Variants in ZNF684 observed in about 807,000 individuals in gnomAD.
ZNF684 encodes the protein hypothetical protein MGC27466.
ZNF684 carries 13 observed loss-of-function variants against 12.8 expected under a neutral mutation model. The ratio of observed to expected loss-of-function variants is 1.02; its 90% CI spans 0.66 to 1.62. ZNF684 has a LOEUF of 1.62. Among genes scored for constraint, ZNF684 ranks in the 40% most tolerant of loss-of-function variants. The pLI is 0.00. For synonymous variants in ZNF684, 118 were observed against 151.8 expected, an observed-to-expected ratio of 0.78 and a Z score of 1.64; for missense variants, 384 against 446.9, an observed-to-expected ratio of 0.86 and a Z score of 1.27.
At position 40,547,450 on chromosome 1, in the gene ZNF684, T is replaced by G; in HGVS notation, c.1127T>G (p.Ile376Ser). ...QKSNLIVHQK[I>S]HT ...TCAAATCTTATTGTACATCAGAAAA[T>G]TCATACATAATATTCACTTTATGAA... Residue 376 changes from isoleucine to serine, a missense_variant, in exon 5 of 5, where the codon ATT (isoleucine) becomes AGT (serine). Physicochemically the swap from Ile to Ser is moderately radical, Grantham distance 142. Transcript: ENST00000372699. The G allele has an allele frequency of 6.3e-7, 1 of 1,599,844 alleles. No individual in the cohort carries two copies. Among genetic ancestry groups the G allele is most frequent in the Non-Finnish European group, 8.5e-7 (1 of 1,172,024 alleles).
chr1:40,546,306 C>T (rs926923280), intron 4 of ZNF684, among the ~76,000 whole-genome samples: 4 of 152,194 alleles, frequency 2.6e-5, no homozygotes, highest in East Asian at 3.8e-4. Flanking sequence ...CCTGCACCCT[C>T]GTTGAGCAGC....
Position 40,547,127 on chromosome 1 carries a change from G to A in ZNF684, c.804G>A (p.Glu268=), listed in dbSNP as rs773914033. ...AACACGTGAAATCTCATACACTTGAGAAGTCATTTGAATGTAAGGAATGTG... is the reference window on the plus strand; with the variant it reads ...AACACGTGAAATCTCATACACTTGAAAAGTCATTTGAATGTAAGGAATGTG... ...FNQHVKSHTL[E]KSFECKECGK... is the part of the protein sequence containing the mutation. Residue 268 remains glutamate, a synonymous_variant, in exon 5 of 5, where the codon GAG becomes GAA. Transcript: ENST00000372699. The A allele has an allele frequency of 6.2e-7, 1 of 1,614,202 alleles. No individual in the cohort carries two copies. The highest frequency in any genetic ancestry group is 2.2e-5 in the East Asian group (1 of 44,888).
At chr1:40,536,513 C>CTTT (rs199567978) in intron 2 of ZNF684, among the ~76,000 whole-genome samples, 12 of 140,956 alleles carry the variant, frequency 8.5e-5, no homozygotes, top group African/African-American at 2.8e-4. Context: ...TCAGTAACAT[C>CTTT]TTTTTTTTTT....
intron 1 of ZNF684, among the ~76,000 whole-genome samples, chr1:40,532,245 C>T (rs1271720574): frequency 1.3e-5 from 2 of 152,116 alleles, no homozygotes; most frequent in Admixed American, 1.3e-4. Context: ...ATGCTATTAC[C>T]ATTTTGCATA....
At chr1:40,534,073 C>T (rs939170701) in intron 2 of ZNF684, among the ~76,000 whole-genome samples, 1 of 151,732 alleles carries the variant, frequency 6.6e-6, no homozygotes, top group Non-Finnish European at 1.5e-5. Flanking sequence ...ATCTGCCTGC[C>T]TCAGCCTTCC....
At chr1:40,533,823 C>CTTTTTTTTTTTTTTTTTTTTTTTT in intron 2 of ZNF684, among the ~76,000 whole-genome samples, 1 of 123,922 alleles carries the variant, frequency 8.1e-6, no homozygotes, top group Non-Finnish European at 1.7e-5. Flanking sequence ...GTTAGGTATT[C>CTTTTTTTTTTTTTTTTTTTTTTTT]TTTTTTTTTT....
At chr1:40,537,310 T>C (rs1440142138) in intron 2 of ZNF684, among the ~76,000 whole-genome samples, 1 of 152,244 alleles carries the variant, frequency 6.6e-6, no homozygotes, top group Non-Finnish European at 1.5e-5. Context: ...ATTTTATTTC[T>C]TTTGATATCT....
intron 2 of ZNF684, among the ~76,000 whole-genome samples, chr1:40,535,539 A>G (rs778520617): frequency 5.9e-5 from 9 of 152,214 alleles, no homozygotes; most frequent in Middle Eastern, 3.4e-3. Context: ...CCTAATTTTA[A>G]TGGGAGTGCT....
intron 2 of ZNF684, among the ~76,000 whole-genome samples, chr1:40,538,577 G>T (rs1406748661): frequency 6.6e-6 from 1 of 152,146 alleles, no homozygotes; most frequent in African/African-American, 2.4e-5. Context: ...CTTGGAGAAG[G>T]CTGGGTGCAG....
intron 1 of ZNF684, among the ~76,000 whole-genome samples, chr1:40,532,818 C>A (rs1045514440): frequency 6.6e-6 from 1 of 152,090 alleles, no homozygotes; most frequent in African/African-American, 2.4e-5. Flanking sequence ...AGTGAGTCAA[C>A]TCATTCATTA....
chr1:40,538,302 A>G (rs981260610), intron 2 of ZNF684, among the ~76,000 whole-genome samples: 11 of 152,008 alleles, frequency 7.2e-5, no homozygotes, highest in African/African-American at 2.4e-4. Flanking sequence ...CCCATACAGT[A>G]TTTTCAAGGT....
chr1:40,540,534 C>T, intron 2 of ZNF684, 52 bp from the exon 3 acceptor site: 1 of 1,498,898 alleles, frequency 6.7e-7, no homozygotes, highest in Non-Finnish European at 8.9e-7. Flanking sequence ...GATTCTCTTG[C>T]AAGTTCGCTA....
chr1:40,536,392 TCA>T (rs1491214086), intron 2 of ZNF684, among the ~76,000 whole-genome samples: 4 of 119,758 alleles, frequency 3.3e-5, no homozygotes, highest in Non-Finnish European at 5.0e-5. Context: ...AGACTCCGTC[TCA>T]CAAAAAAAAA....
intron 4 of ZNF684, among the ~76,000 whole-genome samples, chr1:40,545,308 AC>A (rs1232816301): frequency 6.6e-6 from 1 of 151,910 alleles, no homozygotes; most frequent in African/African-American, 2.4e-5. Flanking sequence ...GGGAATTATG[AC>A]CCCCTCTCCC....
chr1:40,539,923 A>T (rs563162483), intron 2 of ZNF684, among the ~76,000 whole-genome samples: 1 of 151,560 alleles, frequency 6.6e-6, no homozygotes, highest in Non-Finnish European at 1.5e-5. Context: ...CCATTTTTAA[A>T]TTGTGTTGTC....
chr1:40,540,873 G>C (rs3738471), intron 3 of ZNF684, among the ~76,000 whole-genome samples, 161 bp downstream of exon 3: 22,251 of 151,672 alleles, frequency 0.15, 2,256 homozygotes, highest in East Asian at 0.44. Flanking sequence ...TTCAAGACCA[G>C]CCTGAGCAAC....
In ZNF684 at chr1:40,547,495, A is replaced by C; in HGVS notation, c.*35A>C. ...TATGAATATGAGAAGGCCTTATTAA[A>C]TATTTGCTAAATCTTATTAAATACT... On this transcript the variant is annotated 3_prime_UTR_variant, in exon 5 of 5. Transcript: ENST00000372699. The C allele has an allele frequency of 1.3e-6, 2 of 1,514,320 alleles. No homozygotes were observed. Among genetic ancestry groups the C allele is most frequent in the Admixed American group, 4.3e-5 (2 of 46,358 alleles). The allele number at this position is 1,514,320 out of a possible 1,614,324, so 93.8% of individuals were successfully genotyped here.
Position 40,533,115 on chromosome 1 carries a change from A to G in ZNF684, c.-24-28A>G, listed in dbSNP as rs1345994606. On this transcript the variant is annotated intron_variant, in intron 1 of 4. Transcript: ENST00000372699. ...CAGTCCTGGTATCTCAGGTCTTTCT[A>G]TTCTCTTCCCCATTTCTACTTTCAT... 2.5e-6 allele frequency: 4 copies of G among 1,601,108 alleles called. No individual in the cohort carries two copies. In the Admixed American group the frequency reaches 5.0e-5, roughly 20 times the overall value.
At chr1:40,540,826 C>A (rs905173613) in intron 3 of ZNF684, 114 bp downstream of exon 3, 74 of 1,083,446 alleles carry the variant, frequency 6.8e-5, no homozygotes, top group Non-Finnish European at 9.0e-5. Context: ...ATAATCCCAG[C>A]ACTTTGGGAG....
Sources: allele counts gnomAD v4.1 joint callset (sites outside exome capture counted in the v4.1 genomes callset), GRCh38; gene constraint gnomAD v4.1.1; transcripts MANE v1.5; gene names NCBI Gene and HGNC (gene_info 2026-07-23, HGNC 2026-07-21).